Variants in CABIN1 observed in about 807,000 individuals in gnomAD.
CABIN1 encodes the protein calcineurin-binding protein cabin-1.
A neutral mutation model predicts 227.7 loss-of-function variants in CABIN1; 133 were observed. The ratio of observed to expected loss-of-function variants is 0.58; its 90% CI spans 0.51 to 0.67. The LOEUF (loss-of-function observed/expected upper bound fraction) is 0.67, where lower values mean the gene tolerates loss of function less well. Among genes scored for constraint, CABIN1 ranks in the 30% least tolerant of loss-of-function variants. CABIN1 has a pLI of 0.00. For missense variants in CABIN1, 2,408 were observed against 2,852.5 expected (o/e 0.84, Z 3.55); for synonymous variants, 1,086 against 1,155.1 (o/e 0.94, Z 1.21).
intron 29 of CABIN1, among the ~76,000 whole-genome samples, chr22:24,153,001 G>C (rs1160409806): frequency 6.6e-6 from 1 of 152,104 alleles, no homozygotes; most frequent in Non-Finnish European, 1.5e-5. Flanking sequence ...GCCTTGGAAG[G>C]GATGGCTATA....
chr22:24,056,975 C>T (rs1306352894), intron 10 of CABIN1, among the ~76,000 whole-genome samples: 5 of 151,346 alleles, frequency 3.3e-5, no homozygotes, highest in South Asian at 2.1e-4. Context: ...CTTGATCTTT[C>T]GCCCAGGCCG....
intron 26 of CABIN1, chr22:24,101,805 A>G (rs1350364160): frequency 6.6e-6 from 1 of 152,166 alleles, no homozygotes; most frequent in Non-Finnish European, 1.5e-5. Context: ...ATATTCAAGC[A>G]ACATAAGGAG....
In CABIN1 at chr22:24,072,389, C is replaced by T. The variant is rs767563239; in HGVS notation, c.2511C>T (p.Ala837=). 1.2e-6 allele frequency: 2 copies of T among 1,614,184 alleles called. No individual in the cohort carries two copies. The highest frequency in any genetic ancestry group is 4.5e-5 in the East Asian group (2 of 44,884). The part of the protein sequence containing the change: ...IDCSMAVQEE[A]KEPHVSSVLP... Reference sequence around the variant, plus strand: ...GCAGCATGGCTGTGCAGGAGGAGGCCAAGGAGCCCCACGTCTCTTCAGTGC... The same window carrying T: ...GCAGCATGGCTGTGCAGGAGGAGGCTAAGGAGCCCCACGTCTCTTCAGTGC... Residue 837 remains alanine (A), a synonymous_variant, in exon 18 of 37, where the codon GCC becomes GCT. Transcript: ENST00000263119.
intron 27 of CABIN1, among the ~76,000 whole-genome samples, chr22:24,116,589 TAG>T (rs936474087): frequency 6.6e-6 from 1 of 152,134 alleles, no homozygotes; most frequent in African/African-American, 2.4e-5. Context: ...CTCAGGCCAG[TAG>T]AGTTTGAGTA....
chr22:24,129,241 A>G (rs1314188279), intron 28 of CABIN1, among the ~76,000 whole-genome samples: 1 of 152,200 alleles, frequency 6.6e-6, no homozygotes, highest in Non-Finnish European at 1.5e-5. Context: ...CCTCACCCCA[A>G]GCTTTTGCTT....
intron 19 of CABIN1, among the ~76,000 whole-genome samples, chr22:24,080,861 A>G (rs987898908): frequency 2.6e-5 from 4 of 152,142 alleles, no homozygotes; most frequent in Non-Finnish European, 4.4e-5. Context: ...GTAGACAGTC[A>G]TATCATCCAC....
At chr22:24,131,038 C>G (rs1227437653) in intron 28 of CABIN1, among the ~76,000 whole-genome samples, 1 of 152,188 alleles carries the variant, frequency 6.6e-6, no homozygotes, top group Non-Finnish European at 1.5e-5. Context: ...TGTCCATTCC[C>G]GTCCCATGGC....
At chr22:24,039,189 T>G (rs1291448859) in intron 4 of CABIN1, among the ~76,000 whole-genome samples, 1 of 152,218 alleles carries the variant, frequency 6.6e-6, no homozygotes, top group Non-Finnish European at 1.5e-5. Context: ...CGCCCAAACA[T>G]GCAGATGATG....
intron 4 of CABIN1, 89 bp from the exon 5 acceptor site, chr22:24,041,050 C>G: frequency 6.5e-7 from 1 of 1,528,118 alleles, no homozygotes; most frequent in Non-Finnish European, 9.1e-7. Flanking sequence ...GGGCCTGCAG[C>G]AGAGGCCAGC....
intron 26 of CABIN1, among the ~76,000 whole-genome samples, chr22:24,112,656 A>G (rs529184557): frequency 4.6e-5 from 7 of 152,158 alleles, no homozygotes; most frequent in Admixed American, 3.3e-4. Flanking sequence ...GTGTTCCTGC[A>G]TCTCAGGGGT....
chr22:24,160,575 G>C (rs923045934), intron 29 of CABIN1, among the ~76,000 whole-genome samples: 1 of 152,210 alleles, frequency 6.6e-6, no homozygotes, highest in Admixed American at 6.5e-5. Context: ...TCAGGCTGTC[G>C]AGCCCCGGGT....
At chr22:24,125,222 CA>C (rs1461072966) in intron 28 of CABIN1, among the ~76,000 whole-genome samples, 4 of 152,188 alleles carry the variant, frequency 2.6e-5, no homozygotes, top group Non-Finnish European at 5.9e-5. Context: ...AGACTCCTGC[CA>C]GGGGGGCCCC....
At chr22:24,102,723 G>C (rs774629054) in intron 26 of CABIN1, among the ~76,000 whole-genome samples, 3 of 152,106 alleles carry the variant, frequency 2.0e-5, no homozygotes, top group Non-Finnish European at 2.9e-5. Context: ...GAGCAGCCAG[G>C]GTCAGAAGAG....
chr22:24,019,791 G>A (rs1472863892), intron 1 of CABIN1, among the ~76,000 whole-genome samples: 2 of 151,224 alleles, frequency 1.3e-5, no homozygotes, highest in Non-Finnish European at 2.9e-5. Flanking sequence ...CCGAGTAGCT[G>A]GGATCACAGG....
intron 1 of CABIN1, among the ~76,000 whole-genome samples, chr22:24,023,133 A>G (rs1601654729): frequency 6.6e-6 from 1 of 152,204 alleles, no homozygotes; most frequent in Non-Finnish European, 1.5e-5. Context: ...GGTACCTTGT[A>G]TATCAAACAA....
chr22:24,026,586 C>G (rs1255440130), intron 1 of CABIN1, among the ~76,000 whole-genome samples: 4 of 143,306 alleles, frequency 2.8e-5, no homozygotes, highest in African/African-American at 1.1e-4. Flanking sequence ...GGTTCTTTTT[C>G]TTTTTTCTTT....
intron 29 of CABIN1, among the ~76,000 whole-genome samples, chr22:24,140,612 A>G (rs1017713283): frequency 6.6e-6 from 1 of 152,230 alleles, no homozygotes; most frequent in Admixed American, 6.5e-5. Context: ...AAACGTTCCC[A>G]TAGTAACCAA....
intron 34 of CABIN1, among the ~76,000 whole-genome samples, chr22:24,175,507 G>A (rs2047054329): frequency 6.6e-6 from 1 of 152,176 alleles, no homozygotes; most frequent in Non-Finnish European, 1.5e-5. Flanking sequence ...GGGAAGTGAG[G>A]GCCTGGAGGC....
chr22:24,166,697 A>G lies in CABIN1; in HGVS notation c.5066A>G (p.Asp1689Gly). 1.2e-6 allele frequency: 2 copies of G among 1,612,668 alleles called. No individual in the cohort carries two copies. Among genetic ancestry groups the G allele is most frequent in the South Asian group, 2.2e-5 (2 of 91,072 alleles). ...CGLPGARMTT[D>G]VSHKASPEDG... ...CTCCCCGGAGCCAGGATGACCACCG[A>G]TGTCTCACACAAGGCCAGTCCTGAG... The change falls in exon 32 of 37, where the codon GAT becomes GGT. Residue 1689 changes from aspartate (D) to glycine (G), a missense_variant. Transcript: ENST00000263119.
Sources: gnomAD v4.1 joint callset for allele counts (sites outside exome capture counted in the v4.1 genomes callset) on GRCh38, gnomAD v4.1.1 for gene constraint, MANE v1.5 for transcripts, NCBI Gene and HGNC (gene_info 2026-07-23, HGNC 2026-07-21) for gene names.